IRGQ: variants seen among roughly 807,000 people sequenced by gnomAD.
The protein encoded by IRGQ is immunity-related GTPase family Q protein.
IRGQ carries 5 observed loss-of-function variants against 10.5 expected under a neutral mutation model. The observed-to-expected ratio is 0.48, with a 90% confidence interval of 0.25 to 1.00. IRGQ has a LOEUF of 1.00. Ranked by LOEUF, IRGQ falls within the 50% of genes least tolerant of loss-of-function variation. The pLI, the probability that IRGQ is intolerant of heterozygous loss-of-function variation, is 0.16. For missense variants in IRGQ, 792 were observed against 877.7 expected, an observed-to-expected ratio of 0.90 and a Z score of 1.23; for synonymous variants, 418 against 426.0, an observed-to-expected ratio of 0.98 and a Z score of 0.23.
At position 43,592,321 on chromosome 19, in the gene IRGQ, G is replaced by A; in HGVS notation, c.1577C>T (p.Ala526Val). Reference protein sequence around the residue: ...WRRGLGLEPTALARRERALGL... With the variant: ...WRRGLGLEPTVLARRERALGL... ...CAGGGCACGCTCACGTCGAGCCAGT[G>A]CCGTGGGTTCCAGCCCCAGGCCCCG... is the stretch of plus-strand genomic sequence containing the variant. The change falls in exon 3 of 3, where the codon GCA becomes GTA. Residue 526 changes from alanine (A) to valine (V), a missense_variant. Physicochemically the swap from Ala to Val is moderately conservative, Grantham distance 64 (BLOSUM62 0). Coordinates refer to ENST00000422989, the MANE Select transcript of IRGQ (RefSeq NM_001007561.3). 6.4e-7 allele frequency: 1 copy of A among 1,570,684 alleles called. No individual in the cohort carries two copies. Among genetic ancestry groups the A allele is most frequent in the Non-Finnish European group, 8.6e-7 (1 of 1,166,640 alleles).
chr19:43,587,433 A>G lies in IRGQ; in HGVS notation c.*4593T>C, dbSNP rs1304285355. The G allele has an allele frequency of 6.6e-6, 1 of 152,222 alleles. No individual in the cohort carries two copies. Among genetic ancestry groups the G allele is most frequent in the Non-Finnish European group, 1.5e-5 (1 of 68,038 alleles). The allele number at this position is 152,222 out of a possible 1,614,324, so 9.4% of individuals were successfully genotyped here. A position where few individuals can be genotyped will look rare whatever the true frequency, so the allele number is the denominator to read the frequency against. The stretch of plus-strand genomic sequence containing the variant: ...ATCTCAGTTTTTGGAAAACTATTAT[A>G]TAATTGGAACAACTTGGATATGTGA... On this transcript the variant is annotated 3_prime_UTR_variant, in exon 3 of 3. Transcript: ENST00000422989.
At position 43,591,809 on chromosome 19, in the gene IRGQ, T is replaced by C. The variant is rs987857276; in HGVS notation, c.*217A>G. 1.8e-5 allele frequency: 8 copies of C among 452,888 alleles called. No homozygotes were observed. Among genetic ancestry groups the C allele is most frequent in the African/African-American group, 1.2e-4 (6 of 48,326 alleles). 28.1% of individuals were successfully genotyped at this position (452,888 alleles called of 1,614,324 possible). On this transcript the variant is annotated 3_prime_UTR_variant, in exon 3 of 3. Coordinates refer to ENST00000422989, the MANE Select transcript of IRGQ (RefSeq NM_001007561.3). ...GTTGCAGTGAGCCGAGGTCGCGCCA[T>C]TGCACTCCAGCCTGGGCAACAAGAG... is the stretch of plus-strand genomic sequence containing the variant.
At position 43,592,977 on chromosome 19, in the gene IRGQ, G is replaced by A. The variant is rs1452323029; in HGVS notation, c.921C>T (p.Ala307=). The change falls in exon 3 of 3, where the codon GCC becomes GCT. Residue 307 remains alanine (A), a synonymous_variant. Coordinates refer to ENST00000422989, the MANE Select transcript of IRGQ (RefSeq NM_001007561.3). ...YDALILVTPG[A]PTEKDWAQVQ... is the part of the protein sequence containing the mutation. ...CCTGGGCCCAGTCCTTCTCAGTGGGGGCCCCAGGGGTGACGAGGATGAGGG... is the reference window on the plus strand; with the variant it reads ...CCTGGGCCCAGTCCTTCTCAGTGGGAGCCCCAGGGGTGACGAGGATGAGGG... 1.9e-6 allele frequency: 3 copies of A among 1,608,724 alleles called. No individual in the cohort carries two copies. In the African/African-American group the frequency reaches 4.0e-5, roughly 21 times the overall value.
At position 43,593,875 on chromosome 19, in the gene IRGQ, G is replaced by A. The variant is rs932733926; in HGVS notation, c.531-508C>T. 8.5e-5 allele frequency among the ~76,000 whole-genome samples: 13 copies of A among 152,238 alleles called. No homozygotes were observed. Among genetic ancestry groups the A allele is most frequent in the Non-Finnish European group, 1.6e-4 (11 of 68,012 alleles). On this transcript the variant is annotated intron_variant, in intron 2 of 2. Coordinates refer to ENST00000422989, the MANE Select transcript of IRGQ (RefSeq NM_001007561.3). This position sits in a 1 kb window ranked among gnomAD's most constrained non-coding sequence, Gnocchi z 6.4. ...ATCTCATCTACCAGTTCTTACCAAG[G>A]GGGAGTGGCTAAGGTGACTCCCGGG...
intron 1 of IRGQ, 43 bp from the exon 2 acceptor site, chr19:43,595,383 T>C (rs766537477): frequency 1.3e-6 from 2 of 1,496,886 alleles, no homozygotes; most frequent in Middle Eastern, 1.8e-4. Context: ...AGGGAGCACC[T>C]AGCCTTTTCC....
Position 43,593,288 on chromosome 19 carries a change from C to G in IRGQ, c.610G>C (p.Gly204Arg). 6.3e-7 allele frequency: 1 copy of G among 1,590,364 alleles called. No homozygotes were observed. The highest frequency in any genetic ancestry group is 8.6e-7 in the Non-Finnish European group (1 of 1,167,388). The change falls in exon 3 of 3, where the codon GGC becomes CGC. Residue 204 changes from glycine to arginine, a missense_variant. Transcript: ENST00000422989. The surrounding 1 kb of genome is among the most constrained non-coding windows in gnomAD (Gnocchi z 6.4). ...CACGACAGCGCAGCCTCAAGGCCGC[C>G]GGTCTCAAAGGCCTCACGCACAGCC... ...LEAVREAFET[G>R]GLEAALSWVR...
In IRGQ at chr19:43,593,281, A is replaced by G. The variant is rs1195608240; in HGVS notation, c.617T>C (p.Leu206Pro). 1.9e-6 allele frequency: 3 copies of G among 1,593,254 alleles called. No individual in the cohort carries two copies. Among genetic ancestry groups the G allele is most frequent in the Non-Finnish European group, 2.6e-6 (3 of 1,168,768 alleles). ...AVREAFETGG[L>P]EAALSWVRSG... Reference sequence around the variant, plus strand: ...GCGCACCCACGACAGCGCAGCCTCAAGGCCGCCGGTCTCAAAGGCCTCACG... The same window carrying G: ...GCGCACCCACGACAGCGCAGCCTCAGGGCCGCCGGTCTCAAAGGCCTCACG... Residue 206 changes from leucine to proline, a missense_variant, in exon 3 of 3, where the codon CTT becomes CCT. Physicochemically the swap from Leu to Pro is moderately conservative, Grantham distance 98 (BLOSUM62 -3). Transcript: ENST00000422989. The surrounding 1 kb of genome is among the most constrained non-coding windows in gnomAD (Gnocchi z 6.4).
chr19:43,593,125 G>C lies in IRGQ; in HGVS notation c.773C>G (p.Pro258Arg), dbSNP rs1354666607. The C allele has an allele frequency of 2.5e-6, 4 of 1,568,884 alleles. No homozygotes were observed. Among genetic ancestry groups the C allele is most frequent in the Middle Eastern group, 1.7e-4 (1 of 5,856 alleles). The change falls in exon 3 of 3, where the codon CCC (proline) becomes CGC (arginine). Residue 258 changes from proline to arginine, a missense_variant. Physicochemically the swap from Pro to Arg is moderately radical, Grantham distance 103. Coordinates refer to ENST00000422989, the MANE Select transcript of IRGQ (RefSeq NM_001007561.3). This position sits in a 1 kb window ranked among gnomAD's most constrained non-coding sequence, Gnocchi z 6.4. The part of the protein sequence containing the change: ...GDPGAAPASV[P>R]TAPTPFPAPE... The stretch of plus-strand genomic sequence containing the variant: ...GGCTGGGAAGGGAGTGGGTGCTGTG[G>C]GGACCGAAGCAGGCGCAGCGCCTGG...
Position 43,593,217 on chromosome 19 carries a change from C to T in IRGQ, c.681G>A (p.Leu227=). ...CCACGTCAGCCTTGCCAGCCACGGC[C>T]AGGTCTAGCCGTGCGCTGCCCAGGC... ...LERLGSARLD[L]AVAGKADVGL... Residue 227 remains leucine (L), a synonymous_variant, in exon 3 of 3, where the codon CTG becomes CTA. Coordinates refer to ENST00000422989, the MANE Select transcript of IRGQ (RefSeq NM_001007561.3). The surrounding 1 kb of genome is among the most constrained non-coding windows in gnomAD (Gnocchi z 6.4). 1 of 1,578,476 alleles carries T rather than the reference C, an allele frequency of 6.3e-7. No individual in the cohort carries two copies. The highest frequency in any genetic ancestry group is 2.3e-5 in the East Asian group (1 of 44,196).
Position 43,586,699 on chromosome 19 carries a change from G to A in IRGQ, c.*5327C>T, listed in dbSNP as rs1315804600. 6.6e-6 allele frequency: 1 copy of A among 152,246 alleles called. No individual in the cohort carries two copies. Among genetic ancestry groups the A allele is most frequent in the East Asian group, 1.9e-4 (1 of 5,206 alleles). The allele number at this position is 152,246 out of a possible 1,614,324, so 9.4% of individuals were successfully genotyped here. A position where few individuals can be genotyped will look rare whatever the true frequency, so the allele number is the denominator to read the frequency against. On this transcript the variant is annotated 3_prime_UTR_variant, in exon 3 of 3. Transcript: ENST00000422989. Reference sequence around the variant, plus strand: ...AGCCATCTTGGTGCTGCCCAGGGGTGGGTGGCACTCATGTTTGAGCTCCAT... The same window carrying A: ...AGCCATCTTGGTGCTGCCCAGGGGTAGGTGGCACTCATGTTTGAGCTCCAT...
At position 43,593,727 on chromosome 19, in the gene IRGQ, G is replaced by C. The variant is rs142218523; in HGVS notation, c.531-360C>G. Among the ~76,000 whole-genome samples the C allele has an allele frequency of 6.6e-6, 1 of 152,116 alleles. No individual in the cohort carries two copies. The highest frequency in any genetic ancestry group is 1.5e-5 in the Non-Finnish European group (1 of 68,028). On this transcript the variant is annotated intron_variant, in intron 2 of 2. Transcript: ENST00000422989. This position sits in a 1 kb window ranked among gnomAD's most constrained non-coding sequence, Gnocchi z 6.4. ...GTGGGACAAAGCTCACAGAGGGTGG[G>C]GCCTAGAACAAAGAATCGCAACTGT...
Position 43,591,983 on chromosome 19 carries a change from C to A in IRGQ, c.*43G>T. The A allele has an allele frequency of 6.5e-7, 1 of 1,535,234 alleles. No individual in the cohort carries two copies. Among genetic ancestry groups the A allele is most frequent in the South Asian group, 1.2e-5 (1 of 80,268 alleles). ...TCAAGCACCCAGGATTAAGCCCAGG[C>A]ATCCCCTGTCAGAGTCTGGACTCCC... On this transcript the variant is annotated 3_prime_UTR_variant, in exon 3 of 3. Coordinates refer to ENST00000422989, the MANE Select transcript of IRGQ (RefSeq NM_001007561.3).
At chr19:43,595,575 A>G in intron 1 of IRGQ, 1 of 387,936 alleles carries the variant, frequency 2.6e-6, no homozygotes, top group Non-Finnish European at 4.6e-6. Context: ...TGCTTCAAAA[A>G]CTCTGAAATC....
chr19:43,594,038 C>T (rs1226640323), intron 2 of IRGQ, among the ~76,000 whole-genome samples: 1 of 152,136 alleles, frequency 6.6e-6, no homozygotes, highest in Non-Finnish European at 1.5e-5. Flanking sequence ...CAAGTGGGCA[C>T]AGAAACAAGA....
rs777638844 is a variant in IRGQ at position 43,592,505 on chromosome 19, C to G, written c.1393G>C (p.Ala465Pro). 32 of 1,594,920 alleles carry G rather than the reference C, an allele frequency of 2.0e-5. No homozygotes were observed. In the South Asian group the frequency reaches 3.3e-4, roughly 16 times the overall value. The change falls in exon 3 of 3, where the codon GCA becomes CCA. Residue 465 changes from alanine (A) to proline (P), a missense_variant. By Grantham distance (27) the Ala-to-Pro change is conservative. Coordinates refer to ENST00000422989, the MANE Select transcript of IRGQ (RefSeq NM_001007561.3). The stretch of plus-strand genomic sequence containing the variant: ...TTGGTTCGGGCAGCGCTGGGAGATG[C>G]TGGTGGCAACGCCAGCAGCAGTGCC... ...AGALLLALPP[A>P]SPSAARTKAA...
Position 43,595,063 on chromosome 19 carries a change from C to A in IRGQ, c.276G>T (p.Leu92Phe), listed in dbSNP as rs1973115953. 6.2e-7 allele frequency: 1 copy of A among 1,612,828 alleles called. No individual in the cohort carries two copies. The highest frequency in any genetic ancestry group is 8.5e-7 in the Non-Finnish European group (1 of 1,179,602). The change falls in exon 2 of 3, where the codon TTG becomes TTT. Residue 92 changes from leucine to phenylalanine, a missense_variant. Leu to Phe is a conservative substitution (Grantham distance 22). Transcript: ENST00000422989. The stretch of plus-strand genomic sequence containing the variant: ...GCGCTGCCTCTCCCAGGGCTGGAGC[C>A]AACGGTTCCCCGTTCCCCTCGGGTC... ...LPGPEGNGEP[L>F]APALGEAALA...
At position 43,595,075 on chromosome 19, in the gene IRGQ, G is replaced by C; in HGVS notation, c.264C>G (p.Asn88Lys). 1 of 1,612,288 alleles carries C rather than the reference G, an allele frequency of 6.2e-7. No homozygotes were observed. The highest frequency in any genetic ancestry group is 1.1e-5 in the South Asian group (1 of 91,008). Residue 88 changes from asparagine to lysine, a missense_variant, in exon 2 of 3, where the codon AAC (asparagine) becomes AAG (lysine). Physicochemically the swap from Asn to Lys is moderately conservative, Grantham distance 94. Transcript: ENST00000422989. ...CCAGGGCTGGAGCCAACGGTTCCCC[G>C]TTCCCCTCGGGTCCGGGCAGCACCA... ...LVLVLPGPEG[N>K]GEPLAPALGE...
In IRGQ at chr19:43,593,256, G is replaced by A. The variant is rs377356782; in HGVS notation, c.642C>T (p.Arg214=). Reference sequence around the variant, plus strand: ...CGCTGCCCAGGCGCTCCAGGCCTGAGCGCACCCACGACAGCGCAGCCTCAA... The same window carrying A: ...CGCTGCCCAGGCGCTCCAGGCCTGAACGCACCCACGACAGCGCAGCCTCAA... ...GGLEAALSWV[R]SGLERLGSAR... is the part of the protein sequence containing the mutation. The change falls in exon 3 of 3, where the codon CGC becomes CGT. Residue 214 remains arginine, a synonymous_variant. Coordinates refer to ENST00000422989, the MANE Select transcript of IRGQ (RefSeq NM_001007561.3). The surrounding 1 kb of genome is among the most constrained non-coding windows in gnomAD (Gnocchi z 6.4). 10 of 1,599,658 alleles carry A rather than the reference G, an allele frequency of 6.3e-6. No individual in the cohort carries two copies. In the African/African-American group the frequency reaches 9.4e-5, roughly 15 times the overall value.
chr19:43,593,261 C>T lies in IRGQ; in HGVS notation c.637G>A (p.Val213Met), dbSNP rs374969004. 1.3e-6 allele frequency: 2 copies of T among 1,598,464 alleles called. No homozygotes were observed. The highest frequency in any genetic ancestry group is 2.7e-5 in the African/African-American group (2 of 74,366). ...TGGLEAALSW[V>M]RSGLERLGSA... Reference sequence around the variant, plus strand: ...CCCAGGCGCTCCAGGCCTGAGCGCACCCACGACAGCGCAGCCTCAAGGCCG... The same window carrying T: ...CCCAGGCGCTCCAGGCCTGAGCGCATCCACGACAGCGCAGCCTCAAGGCCG... The change falls in exon 3 of 3, where the codon GTG becomes ATG. Residue 213 changes from valine to methionine, a missense_variant. By Grantham distance (21) the Val-to-Met change is conservative. Transcript: ENST00000422989. This position sits in a 1 kb window ranked among gnomAD's most constrained non-coding sequence, Gnocchi z 6.4.
Sources: allele counts gnomAD v4.1 joint callset (sites outside exome capture counted in the v4.1 genomes callset), GRCh38; gene constraint gnomAD v4.1.1; non-coding constraint Gnocchi (gnomAD v3.1); transcripts MANE v1.5; gene names NCBI Gene and HGNC (gene_info 2026-07-23, HGNC 2026-07-21).